Variants in MCM9 observed in about 807,000 individuals in gnomAD.
The protein encoded by MCM9 is minichromosome maintenance 9 homologous recombination repair factor, also known as DNA helicase MCM9.
MCM9 carries 55 observed loss-of-function variants against 72.8 expected under a neutral mutation model. That is an observed-to-expected ratio of 0.76 (90% CI 0.61 to 0.95). MCM9 has a LOEUF of 0.95. Ranked by LOEUF, MCM9 falls within the 40% of genes least tolerant of loss-of-function variation. The pLI, the probability that MCM9 is intolerant of heterozygous loss-of-function variation, is 0.00. For synonymous variants in MCM9, 480 were observed against 503.4 expected, an observed-to-expected ratio of 0.95 and a Z score of 0.62; for missense variants, 1,279 against 1,377.0, an observed-to-expected ratio of 0.93 and a Z score of 1.13.
intron 8 of MCM9, chr6:118,894,324 G>A: frequency 1.3e-6 from 2 of 1,514,928 alleles, no homozygotes; most frequent in Non-Finnish European, 1.8e-6. Flanking sequence ...GCGCTGGAGC[G>A]GGGGTCTGCG....
intron 8 of MCM9, among the ~76,000 whole-genome samples, chr6:118,886,352 AAG>A (rs888227703): frequency 1.8e-4 from 27 of 151,450 alleles, no homozygotes; most frequent in Non-Finnish European, 3.2e-4. Context: ...AAAAAGAAAA[AAG>A]AGAGAGAGAG....
intron 13 of MCM9, among the ~76,000 whole-genome samples, chr6:118,819,269 C>A (rs1773628879): frequency 6.6e-6 from 1 of 152,106 alleles, no homozygotes; most frequent in African/African-American, 2.4e-5. Context: ...TCATAAATAG[C>A]TCTTATTATT....
At chr6:118,893,168 G>A (rs1779061075) in intron 8 of MCM9, among the ~76,000 whole-genome samples, 1 of 152,168 alleles carries the variant, frequency 6.6e-6, no homozygotes, top group African/African-American at 2.4e-5. Flanking sequence ...TCCCCGCAAT[G>A]GTAGCCAAGC....
chr6:118,905,005 T>G (rs1380361241), intron 8 of MCM9, among the ~76,000 whole-genome samples: 2 of 152,096 alleles, frequency 1.3e-5, no homozygotes, highest in African/African-American at 2.4e-5. Flanking sequence ...GCCCAGCTAA[T>G]TTTTGTGTTT....
At chr6:118,828,957 T>G in intron 10 of MCM9, 91 bp downstream of exon 10, 1 of 1,289,638 alleles carries the variant, frequency 7.8e-7, no homozygotes, top group Non-Finnish European at 1.1e-6. Context: ...TAGCCTATCT[T>G]GGGTATTTAT....
intron 8 of MCM9, among the ~76,000 whole-genome samples, chr6:118,893,435 C>T (rs1458623998): frequency 2.0e-5 from 3 of 152,166 alleles, no homozygotes; most frequent in South Asian, 2.1e-4. Context: ...ACTGATCACA[C>T]CTCTTGTGAT....
Position 118,910,531 on chromosome 6 carries a change from C to T in MCM9, c.1150+1119G>A, listed in dbSNP as rs911746416. ...CAAATACTCTGAAATTACCAGTCAT[C>T]CACTTAGATGGCTTGGACTCATTTC... On this transcript the variant is annotated intron_variant, in intron 8 of 13. Coordinates refer to ENST00000619706, the MANE Select transcript of MCM9 (RefSeq NM_017696.3). 4 of 753,616 alleles carry T rather than the reference C, an allele frequency of 5.3e-6. No individual in the cohort carries two copies. In the African/African-American group the frequency reaches 7.6e-5, roughly 14 times the overall value. The allele number at this position is 753,616 out of a possible 1,614,324, so 46.7% of individuals were successfully genotyped here.
chr6:118,813,588 G>C lies in MCM9; in HGVS notation c.*1236C>G, dbSNP rs2114480610. 6.6e-6 allele frequency: 1 copy of C among 152,182 alleles called. No individual in the cohort carries two copies. The highest frequency in any genetic ancestry group is 3.4e-3 in the Middle Eastern group (1 of 294). 9.4% of individuals were successfully genotyped at this position (152,182 alleles called of 1,614,324 possible). A position where few individuals can be genotyped will look rare whatever the true frequency, so the allele number is the denominator to read the frequency against. On this transcript the variant is annotated 3_prime_UTR_variant, in exon 14 of 14. Transcript: ENST00000619706. ...AATTAAACAAAATACATATAGTTTT[G>C]AGTATTCTATGTCCAAAAGTCCCTC...
chr6:118,892,585 G>A (rs920575673), intron 8 of MCM9, among the ~76,000 whole-genome samples: 1 of 152,144 alleles, frequency 6.6e-6, no homozygotes, highest in African/African-American at 2.4e-5. Flanking sequence ...CATATACAGA[G>A]TGTCTTACAG....
intron 9 of MCM9, among the ~76,000 whole-genome samples, chr6:118,848,573 G>C (rs763457313): frequency 4.0e-5 from 6 of 151,816 alleles, no homozygotes; most frequent in Admixed American, 1.3e-4. Context: ...GGCCCACAAA[G>C]TCTAAAATAC....
intron 3 of MCM9, among the ~76,000 whole-genome samples, chr6:118,928,941 C>T (rs764876500): frequency 2.0e-5 from 3 of 151,782 alleles, no homozygotes; most frequent in Admixed American, 6.6e-5. Flanking sequence ...TAATTCTGGC[C>T]GGGCACCATG....
At chr6:118,836,293 A>G (rs1420887071) in intron 9 of MCM9, among the ~76,000 whole-genome samples, 2 of 152,206 alleles carry the variant, frequency 1.3e-5, no homozygotes, top group Admixed American at 1.3e-4. Context: ...CATCAGAGAT[A>G]TTGGCCTGAA....
intron 9 of MCM9, 144 bp downstream of exon 9, chr6:118,856,227 A>T (rs1380195667): frequency 1.5e-6 from 1 of 685,492 alleles, no homozygotes; most frequent in African/African-American, 1.8e-5. Flanking sequence ...AATAAGGAAA[A>T]ACTCTAATGT....
At chr6:118,886,889 C>T (rs1778641268) in intron 8 of MCM9, among the ~76,000 whole-genome samples, 1 of 152,106 alleles carries the variant, frequency 6.6e-6, no homozygotes, top group South Asian at 2.1e-4. Flanking sequence ...CGCCTGAGCC[C>T]AGAAGTTCAA....
At chr6:118,901,091 G>C in intron 8 of MCM9, 1 of 474,786 alleles carries the variant, frequency 2.1e-6, no homozygotes, top group Non-Finnish European at 3.8e-6. Flanking sequence ...AGATGTTAAT[G>C]TGACGTTTAC....
At chr6:118,820,101 T>C (rs1054307910) in intron 13 of MCM9, among the ~76,000 whole-genome samples, 4 of 152,090 alleles carry the variant, frequency 2.6e-5, no homozygotes, top group Non-Finnish European at 5.9e-5. Context: ...TTTTGAAGGG[T>C]TTTTCGTGTC....
intron 13 of MCM9, among the ~76,000 whole-genome samples, chr6:118,818,410 G>T (rs1348011061): frequency 6.6e-6 from 1 of 152,106 alleles, no homozygotes; most frequent in Admixed American, 6.5e-5. Context: ...GCTTATTTTT[G>T]TGAGGTCTGT....
chr6:118,828,366 A>C (rs938604040), intron 10 of MCM9, among the ~76,000 whole-genome samples: 3 of 152,094 alleles, frequency 2.0e-5, no homozygotes, highest in African/African-American at 7.2e-5. Flanking sequence ...TCTGCCCAGT[A>C]ATCAATAATA....
intron 8 of MCM9, among the ~76,000 whole-genome samples, chr6:118,885,019 A>AC (rs1172592684): frequency 6.6e-6 from 1 of 152,012 alleles, no homozygotes; most frequent in African/African-American, 2.4e-5. Context: ...ACATGGTGAA[A>AC]CCCCATCTCT....
Sources: allele counts gnomAD v4.1 joint callset (sites outside exome capture counted in the v4.1 genomes callset), GRCh38; gene constraint gnomAD v4.1.1; transcripts MANE v1.5; gene names NCBI Gene and HGNC (gene_info 2026-07-23, HGNC 2026-07-21).